The following DSG1 variants were observed in gnomAD, a reference collection of about 807,000 sequenced individuals.
The protein encoded by DSG1 is desmoglein-1.
In DSG1, 39 loss-of-function variants were observed where a neutral mutation model predicts 97.5. That is an observed-to-expected ratio of 0.40 (90% CI 0.31 to 0.52). The LOEUF is 0.52. DSG1 is among the 20% of genes least tolerant of loss of function. The pLI is 0.53. For missense variants in DSG1, 1,311 were observed against 1,295.4 expected (o/e 1.01, Z -0.18); for synonymous variants, 475 against 443.4 (o/e 1.07, Z -0.90).
chr18:31,325,380 A>G (rs1458440432), intron 1 of DSG1, among the ~76,000 whole-genome samples: 1 of 152,188 alleles, frequency 6.6e-6, no homozygotes, highest in Non-Finnish European at 1.5e-5. Flanking sequence ...TCCATGCACA[A>G]TTCTGTAGCT....
At chr18:31,352,334 G>T (rs1026178644) in intron 14 of DSG1, among the ~76,000 whole-genome samples, 2 of 151,544 alleles carry the variant, frequency 1.3e-5, no homozygotes, top group South Asian at 4.1e-4. Flanking sequence ...TCTGCTGAGA[G>T]ATCTGCTGTT....
chr18:31,318,466 A>G, intron 1 of DSG1, 118 bp downstream of exon 1: 1 of 831,532 alleles, frequency 1.2e-6, no homozygotes, highest in East Asian at 2.4e-5. Flanking sequence ...ATGTATATTA[A>G]TGACAAGATG....
rs1328381109 is a variant in DSG1, at chr18:31,318,233, GAAAGAA to G, written c.-61_-56del. ...TTAATCAGACACCAGCTGAGTGGGAGAAAGAAAAAGAACAGAGAAGAACAAACAAAA... is the reference window on the plus strand; with the variant it reads ...TTAATCAGACACCAGCTGAGTGGGAGAAAGAACAGAGAAGAACAAACAAAA... On this transcript the variant is annotated 5_prime_UTR_variant, in exon 1 of 15. Coordinates refer to ENST00000257192, the MANE Select transcript of DSG1 (RefSeq NM_001942.4). The G allele has an allele frequency of 1.1e-5, 15 of 1,358,872 alleles. No homozygotes were observed. Among genetic ancestry groups the G allele is most frequent in the Non-Finnish European group, 1.5e-5 (14 of 947,276 alleles). 84.2% of individuals were successfully genotyped at this position (1,358,872 alleles called of 1,614,324 possible). A position where few individuals can be genotyped will look rare whatever the true frequency, so the allele number is the denominator to read the frequency against.
chr18:31,346,635 C>A (rs1470382994), intron 14 of DSG1, among the ~76,000 whole-genome samples: 2 of 152,158 alleles, frequency 1.3e-5, no homozygotes, highest in Non-Finnish European at 2.9e-5. Context: ...TCCTACCCAT[C>A]CTTCAAGACC....
intron 5 of DSG1, among the ~76,000 whole-genome samples, chr18:31,330,582 T>C (rs1015448926): frequency 2.2e-4 from 34 of 152,258 alleles, no homozygotes; most frequent in African/African-American, 8.2e-4. Flanking sequence ...TATTATAAAA[T>C]GCTCATTAAA....
rs1239941016 is a variant in DSG1, at chr18:31,345,997, T to G, written c.1899T>G (p.Tyr633Ter). ...IIECIDNSGV[Y>*]TNEYGGREMQ... ...TTTGATCAACACTTTTAGGAGTTTA[T>G]ACAAATGAGTATGGTGGCAGAGAAA... Residue 633 changes from tyrosine (Y) to a stop codon, truncating the protein, a stop_gained, in exon 14 of 15, where the codon TAT (tyrosine) becomes TAG (stop). Coordinates refer to ENST00000257192, the MANE Select transcript of DSG1 (RefSeq NM_001942.4). LOFTEE classifies it high-confidence loss of function. 1 of 1,613,416 alleles carries G rather than the reference T, an allele frequency of 6.2e-7. No individual in the cohort carries two copies. Among genetic ancestry groups the G allele is most frequent in the South Asian group, 1.1e-5 (1 of 91,044 alleles).
chr18:31,354,794 G>A lies in DSG1; in HGVS notation c.2598G>A (p.Glu866=). The A allele has an allele frequency of 6.2e-7, 1 of 1,614,172 alleles. No individual in the cohort carries two copies. Among genetic ancestry groups the A allele is most frequent in the Non-Finnish European group, 8.5e-7 (1 of 1,180,020 alleles). ...NRPASNVVVT[E]RVVGPISGAD... ...CAGCATCAAACGTGGTAGTGACAGA[G>A]AGAGTGGTCGGCCCAATCTCTGGCG... The change falls in exon 15 of 15, where the codon GAG becomes GAA. Residue 866 remains glutamate (E), a synonymous_variant. Transcript: ENST00000257192.
chr18:31,353,552 G>C (rs886380880), intron 14 of DSG1, among the ~76,000 whole-genome samples: 3 of 152,210 alleles, frequency 2.0e-5, no homozygotes, highest in African/African-American at 7.2e-5. Flanking sequence ...GGCAATGGCG[G>C]GCGCCCCTCC....
In DSG1 at chr18:31,343,466, G is replaced by T; in HGVS notation, c.1704G>T (p.Met568Ile). 1 of 1,614,124 alleles carries T rather than the reference G, an allele frequency of 6.2e-7. No individual in the cohort carries two copies. The highest frequency in any genetic ancestry group is 8.5e-7 in the Non-Finnish European group (1 of 1,180,008). Reference sequence around the variant, plus strand: ...CACCACCAGTGGTCCCATTTTTGATGATCTGTTGTGATTGTGGAGGTGCTC... The same window carrying T: ...CACCACCAGTGGTCCCATTTTTGATTATCTGTTGTGATTGTGGAGGTGCTC... ...FLVLGLVPFL[M>I]ICCDCGGAPR... Residue 568 changes from methionine to isoleucine, a missense_variant, in exon 12 of 15, where the codon ATG becomes ATT. By Grantham distance (10) the Met-to-Ile change is conservative. Coordinates refer to ENST00000257192, the MANE Select transcript of DSG1 (RefSeq NM_001942.4).
chr18:31,341,248 A>G (rs1793730259), intron 11 of DSG1, among the ~76,000 whole-genome samples: 1 of 152,222 alleles, frequency 6.6e-6, no homozygotes, highest in African/African-American at 2.4e-5. Context: ...TCATTTTCAA[A>G]TGTGGAATCA....
intron 13 of DSG1, 111 bp downstream of exon 13, chr18:31,344,106 C>A: frequency 1.2e-6 from 1 of 820,970 alleles, no homozygotes; most frequent in Non-Finnish European, 2.0e-6. Context: ...GTGTTTATAT[C>A]ATTCTTTTTT....
At position 31,326,713 on chromosome 18, in the gene DSG1, A is replaced by AAGTTCAT. The variant is rs1347163160; in HGVS notation, c.84+99_84+105dup. The AAGTTCAT allele has an allele frequency of 2.6e-5, 34 of 1,314,440 alleles. No individual in the cohort carries two copies. In the Middle Eastern group the frequency reaches 1.6e-3, roughly 60 times the overall value. The allele number at this position is 1,314,440 out of a possible 1,614,324, so 81.4% of individuals were successfully genotyped here. On this transcript the variant is annotated intron_variant, in intron 2 of 14. Coordinates refer to ENST00000257192, the MANE Select transcript of DSG1 (RefSeq NM_001942.4). ...TGAAGAAAATGTATTCTCATAAGTC[A>AAGTTCAT]AGTTCATATAATGCTAAAATTAATA...
chr18:31,328,276 A>G lies in DSG1; in HGVS notation c.304A>G (p.Ile102Val). Residue 102 changes from isoleucine to valine, a missense_variant, in exon 4 of 15, where the codon ATT (isoleucine) becomes GTT (valine). By Grantham distance (29) the Ile-to-Val change is conservative (BLOSUM62 3). This residue lies in a region of DSG1 where 259 missense variants were observed against 304.1 expected (regional missense o/e 0.85). Coordinates refer to ENST00000257192, the MANE Select transcript of DSG1 (RefSeq NM_001942.4). ...IDQPPYGIFV[I>V]NQKTGEINIT... ...TCAGCCACCATATGGGATCTTTGTC[A>G]TTAATCAGAAAACTGGTGAAATTAA... 1 of 1,613,650 alleles carries G rather than the reference A, an allele frequency of 6.2e-7. No individual in the cohort carries two copies. The highest frequency in any genetic ancestry group is 8.5e-7 in the Non-Finnish European group (1 of 1,179,616).
At chr18:31,353,797 C>T (rs113234815) in intron 14 of DSG1, 5,946 of 171,626 alleles carry the variant, frequency 0.035, 383 homozygotes, top group African/African-American at 0.14. Context: ...CTTGCGCTTC[C>T]CAAGTGAGGC....
intron 7 of DSG1, 47 bp from the exon 8 acceptor site, chr18:31,333,969 TC>T: frequency 7.8e-7 from 1 of 1,274,386 alleles, no homozygotes; most frequent in South Asian, 1.2e-5. Flanking sequence ...ACTGTAGTTC[TC>T]TCTCTTTCAC....
intron 1 of DSG1, among the ~76,000 whole-genome samples, chr18:31,323,746 T>C (rs1336736923): frequency 1.3e-5 from 2 of 152,164 alleles, no homozygotes; most frequent in East Asian, 3.9e-4. Context: ...TCCTAATCCC[T>C]TGCTGTCAAG....
chr18:31,343,620 C>G (rs764606302), intron 12 of DSG1, 37 bp downstream of exon 12: 1 of 1,613,898 alleles, frequency 6.2e-7, no homozygotes, highest in East Asian at 2.2e-5. Flanking sequence ...CGTTGGTAGT[C>G]ACTGAAATTC....
At position 31,344,030 on chromosome 18, in the gene DSG1, C is replaced by CTTAA. The variant is rs747457247; in HGVS notation, c.1891+36_1891+39dup. ...AAGAATTTGTTTAACATCTCAAATGCTTAAGTAGGAAGTCTATTTTCTCTC... is the reference window on the plus strand; with the variant it reads ...AAGAATTTGTTTAACATCTCAAATGCTTAATTAAGTAGGAAGTCTATTTTCTCTC... On this transcript the variant is annotated intron_variant, in intron 13 of 14. Transcript: ENST00000257192. 5.0e-6 allele frequency: 7 copies of CTTAA among 1,409,672 alleles called. No homozygotes were observed. The African/African-American group carries it at 5.7e-5, about 11-fold the overall frequency. 87.3% of individuals were successfully genotyped at this position (1,409,672 alleles called of 1,614,324 possible).
At chr18:31,323,134 A>G (rs1429359223) in intron 1 of DSG1, among the ~76,000 whole-genome samples, 17 of 152,212 alleles carry the variant, frequency 1.1e-4, no homozygotes, top group Admixed American at 1.0e-3. Flanking sequence ...GACTTACCCC[A>G]AAGTCCCTAT....
Sources: gnomAD v4.1 joint callset for allele counts (sites outside exome capture counted in the v4.1 genomes callset) on GRCh38, gnomAD v4.1.1 for gene constraint, gnomAD v4.1.1 regional missense constraint, MANE v1.5 for transcripts, NCBI Gene and HGNC (gene_info 2026-07-23, HGNC 2026-07-21) for gene names.